GPC4: variants seen among roughly 807,000 people sequenced by gnomAD.
GPC4 encodes glypican-4.
Under a neutral mutation model 35.0 loss-of-function variants are expected in GPC4, and 10 were observed. The ratio of observed to expected loss-of-function variants is 0.29; its 90% CI spans 0.18 to 0.48. The LOEUF is 0.48. Among genes scored for constraint, GPC4 ranks in the 20% least tolerant of loss-of-function variants. The pLI is 0.99. For missense variants in GPC4, 322 were observed against 451.3 expected (o/e 0.71, Z 2.60); for synonymous variants, 167 against 170.2 (o/e 0.98, Z 0.15).
At position 133,415,181 on chromosome X, in the gene GPC4, G is replaced by C. The variant is rs1411235611; in HGVS notation, c.-216C>G. ...GCAACGGTCCCCGGTGCCAGGCGCC[G>C]GGCCAGGGGAGAAGGAGGGCGTGGA... On this transcript the variant is annotated 5_prime_UTR_variant, in exon 1 of 9. Coordinates refer to ENST00000370828, the MANE Select transcript of GPC4 (RefSeq NM_001448.3). 2.5e-6 allele frequency: 1 copy of C among 401,237 alleles called. No homozygotes were observed. The highest frequency in any genetic ancestry group is 4.3e-6 in the Non-Finnish European group (1 of 233,114). 33.1% of individuals were successfully genotyped at this position (401,237 alleles called of 1,213,427 possible). A position where few individuals can be genotyped will look rare whatever the true frequency, so the allele number is the denominator to read the frequency against.
intron 1 of GPC4, among the ~76,000 whole-genome samples, chrX:133,345,459 A>C (rs1453941223): frequency 8.9e-6 from 1 of 112,232 alleles, no homozygotes; most frequent in African/African-American, 3.2e-5. Context: ...GTTCAGCCTA[A>C]AGCTGCCTCC....
intron 1 of GPC4, among the ~76,000 whole-genome samples, chrX:133,388,491 T>C (rs1161389409): frequency 9.0e-6 from 1 of 111,534 alleles, no homozygotes; most frequent in Non-Finnish European, 1.9e-5. Flanking sequence ...CCTGACGGCT[T>C]CAAGGAGCTT....
chrX:133,387,444 AAG>A (rs896117018), intron 1 of GPC4, among the ~76,000 whole-genome samples: 1 of 111,212 alleles, frequency 9.0e-6, no homozygotes. Flanking sequence ...GGAAGAAAAG[AAG>A]AGAGAGAGAG....
intron 1 of GPC4, among the ~76,000 whole-genome samples, chrX:133,354,511 C>T (rs1207697024): frequency 9.0e-6 from 1 of 110,628 alleles, no homozygotes; most frequent in Non-Finnish European, 1.9e-5. Context: ...CTTTATCTTT[C>T]ACTGGATCAT....
In GPC4 at chrX:133,379,704, T is replaced by C. The variant is rs190812208; in HGVS notation, c.160+35102A>G. On this transcript the variant is annotated intron_variant, in intron 1 of 8. Coordinates refer to ENST00000370828, the MANE Select transcript of GPC4 (RefSeq NM_001448.3). ...TATATGGAAAGTGAGGGAGGGGTCA[T>C]TTTACAGGGTTTTGTGAGGATTAAA... Among the ~76,000 whole-genome samples, 751 of 111,439 alleles carry C rather than the reference T, an allele frequency of 6.7e-3. 5 individuals are homozygous for C. Among genetic ancestry groups the C allele is most frequent in the Non-Finnish European group, 0.01 (554 of 53,087 alleles).
At chrX:133,404,921 G>C (rs952962327) in intron 1 of GPC4, among the ~76,000 whole-genome samples, 1 of 106,567 alleles carries the variant, frequency 9.4e-6, no homozygotes, top group African/African-American at 3.5e-5. Flanking sequence ...AAAAGCCACT[G>C]AATTAATAAT....
chrX:133,380,961 G>A (rs1427990776), intron 1 of GPC4, among the ~76,000 whole-genome samples: 3 of 111,965 alleles, frequency 2.7e-5, no homozygotes, highest in Admixed American at 9.5e-5. Flanking sequence ...GCTCAGCCCT[G>A]GCGGATGCCT....
chrX:133,413,638 C>G (rs1057410426), intron 1 of GPC4, among the ~76,000 whole-genome samples: 16 of 110,762 alleles, frequency 1.4e-4, no homozygotes, highest in South Asian at 3.9e-4. Flanking sequence ...CAGCCCCCCC[C>G]CCGGGCTCGA....
At chrX:133,377,988 G>A (rs1370270371) in intron 1 of GPC4, among the ~76,000 whole-genome samples, 2 of 101,716 alleles carry the variant, frequency 2.0e-5, no homozygotes, top group African/African-American at 3.6e-5. Context: ...TTAACCTCCC[G>A]GGTTCACGCG....
Position 133,324,543 on chromosome X carries a change from C to T in GPC4, c.320-7G>A. ...AGTAGTTCTTTGAAGAATTCTGAAACCAACACCAAAAAAAAAAAAAAAAAA... is the reference window on the plus strand; with the variant it reads ...AGTAGTTCTTTGAAGAATTCTGAAATCAACACCAAAAAAAAAAAAAAAAAA... On this transcript the variant is annotated splice_polypyrimidine_tract_variant and splice_region_variant and intron_variant, in intron 2 of 8. Transcript: ENST00000370828. 1 of 878,692 alleles carries T rather than the reference C, an allele frequency of 1.1e-6. No individual in the cohort carries two copies. Among genetic ancestry groups the T allele is most frequent in the African/African-American group, 2.8e-5 (1 of 35,941 alleles). The allele number at this position is 878,692 out of a possible 1,213,427, so 72.4% of individuals were successfully genotyped here.
At chrX:133,380,519 G>C (rs2068656120) in intron 1 of GPC4, among the ~76,000 whole-genome samples, 1 of 111,459 alleles carries the variant, frequency 9.0e-6, no homozygotes, top group Admixed American at 9.6e-5. Flanking sequence ...GATATACATA[G>C]AGGAGAACAG....
intron 1 of GPC4, among the ~76,000 whole-genome samples, chrX:133,398,692 C>T (rs905291824): frequency 6.5e-5 from 7 of 108,518 alleles, no homozygotes; most frequent in African/African-American, 1.7e-4. Context: ...CACTTGAACC[C>T]GGGAGGTGGA....
At chrX:133,409,083 A>T (rs2068801354) in intron 1 of GPC4, among the ~76,000 whole-genome samples, 2 of 108,241 alleles carry the variant, frequency 1.8e-5, no homozygotes. Flanking sequence ...TGAACCCAGG[A>T]GGTGGAGATT....
At position 133,301,389 on chromosome X, in the gene GPC4, A is replaced by T. The variant is rs1041943917; in HGVS notation, c.*1478T>A. ...TCCTTTGAAAGTGATTTGTTACATTATCAGAGTTTTATGAGCTATCATTTG... is the reference window on the plus strand; with the variant it reads ...TCCTTTGAAAGTGATTTGTTACATTTTCAGAGTTTTATGAGCTATCATTTG... On this transcript the variant is annotated 3_prime_UTR_variant, in exon 9 of 9. Transcript: ENST00000370828. 3 of 112,743 alleles carry T rather than the reference A, an allele frequency of 2.7e-5. No homozygotes were observed. The highest frequency in any genetic ancestry group is 5.6e-5 in the Non-Finnish European group (3 of 53,375). 9.3% of individuals were successfully genotyped at this position (112,743 alleles called of 1,213,427 possible).
At chrX:133,374,503 G>A (rs1017129147) in intron 1 of GPC4, among the ~76,000 whole-genome samples, 3 of 111,616 alleles carry the variant, frequency 2.7e-5, no homozygotes, top group Non-Finnish European at 3.8e-5. Flanking sequence ...GTGTTAAATC[G>A]CAGGAGTTGG....
chrX:133,311,717 C>T (rs970902629), intron 3 of GPC4, among the ~76,000 whole-genome samples: 1 of 110,655 alleles, frequency 9.0e-6, no homozygotes, highest in Non-Finnish European at 1.9e-5. Context: ...CTCACACACA[C>T]ATAAATTGCT....
intron 1 of GPC4, among the ~76,000 whole-genome samples, chrX:133,398,201 C>T (rs1286820845): frequency 3.6e-5 from 4 of 111,720 alleles, no homozygotes; most frequent in Non-Finnish European, 7.5e-5. Context: ...TACAAACTTG[C>T]TCCCAATTTA....
At chrX:133,359,349 C>T (rs1158429345) in intron 1 of GPC4, among the ~76,000 whole-genome samples, 7 of 109,262 alleles carry the variant, frequency 6.4e-5, no homozygotes, top group Admixed American at 2.0e-4. Flanking sequence ...CTTATATTGG[C>T]GGGGGAGGTG....
chrX:133,304,342 C>T (rs1479961588), intron 7 of GPC4, among the ~76,000 whole-genome samples: 1 of 111,362 alleles, frequency 9.0e-6, no homozygotes, highest in Non-Finnish European at 1.9e-5. Context: ...CTCTAAGTTA[C>T]TGAGCGTCTA....
Sources: gnomAD v4.1 joint callset for allele counts (sites outside exome capture counted in the v4.1 genomes callset) on GRCh38, gnomAD v4.1.1 for gene constraint, MANE v1.5 for transcripts, NCBI Gene and HGNC (gene_info 2026-07-23, HGNC 2026-07-21) for gene names.